PRMT3: variants seen among roughly 807,000 people sequenced by gnomAD.
The protein encoded by PRMT3 is protein arginine N-methyltransferase 3.
PRMT3 carries 62 observed loss-of-function variants against 71.9 expected under a neutral mutation model. The ratio of observed to expected loss-of-function variants is 0.86; its 90% CI spans 0.70 to 1.07. The LOEUF is 1.07. Among genes scored for constraint, PRMT3 ranks in the 50% least tolerant of loss-of-function variants. The pLI is 0.00. For synonymous variants in PRMT3, 213 were observed against 220.4 expected, an observed-to-expected ratio of 0.97 and a Z score of 0.30; for missense variants, 663 against 643.0, an observed-to-expected ratio of 1.03 and a Z score of -0.34.
intron 15 of PRMT3, among the ~76,000 whole-genome samples, chr11:20,506,347 G>C (rs973684100): frequency 6.6e-6 from 1 of 152,070 alleles, no homozygotes; most frequent in Admixed American, 6.6e-5. Context: ...TAGAGGAATA[G>C]GTCAGATATA....
In PRMT3 at chr11:20,393,002, A is replaced by G; in HGVS notation, c.400+3A>G. The G allele has an allele frequency of 2.6e-6, 4 of 1,547,274 alleles. No homozygotes were observed. The highest frequency in any genetic ancestry group is 3.6e-6 in the Non-Finnish European group (4 of 1,119,572). On this transcript the variant is annotated splice_donor_region_variant and intron_variant, in intron 5 of 15. Transcript: ENST00000331079. Reference sequence around the variant, plus strand: ...AGATGACCTTTTACTTCAATTTGGTAAGATGAACATAAGTGTATCTCCTTT... The same window carrying G: ...AGATGACCTTTTACTTCAATTTGGTGAGATGAACATAAGTGTATCTCCTTT...
intron 11 of PRMT3, among the ~76,000 whole-genome samples, chr11:20,457,356 A>C (rs1850289028): frequency 2.0e-5 from 3 of 152,214 alleles, no homozygotes; most frequent in Admixed American, 2.0e-4. Flanking sequence ...GGCATCATGC[A>C]TAATGGAAAG....
chr11:20,492,004 A>G (rs1437204172), intron 13 of PRMT3, among the ~76,000 whole-genome samples: 1 of 152,226 alleles, frequency 6.6e-6, no homozygotes, highest in Non-Finnish European at 1.5e-5. Flanking sequence ...ACTGAAGACT[A>G]AAAATTTTAA....
At chr11:20,407,642 T>G in intron 8 of PRMT3, 2 of 242,248 alleles carry the variant, frequency 8.3e-6, no homozygotes, top group Non-Finnish European at 8.1e-6. Context: ...GATATCAGGA[T>G]GGTTAGATTA....
At chr11:20,465,319 C>T (rs1207290987) in intron 13 of PRMT3, among the ~76,000 whole-genome samples, 1 of 151,856 alleles carries the variant, frequency 6.6e-6, no homozygotes, top group Non-Finnish European at 1.5e-5. Flanking sequence ...ATAAAATCTG[C>T]TCCTTATAGT....
At position 20,427,724 on chromosome 11, in the gene PRMT3, T is replaced by C. The variant is rs2133353795; in HGVS notation, c.993+859T>C. On this transcript the variant is annotated intron_variant, in intron 10 of 15. Transcript: ENST00000331079. ...CTGGGTGACAGAGCGAGACTCCACC[T>C]CGAAAAAAAAAATGTATTTGACAGC... Among the ~76,000 whole-genome samples the C allele has an allele frequency of 2.0e-5, 3 of 151,334 alleles. No homozygotes were observed. In the East Asian group the frequency reaches 5.8e-4, roughly 29 times the overall value.
At chr11:20,390,709 G>A (rs1848694029) in intron 3 of PRMT3, among the ~76,000 whole-genome samples, 1 of 152,268 alleles carries the variant, frequency 6.6e-6, no homozygotes, top group Non-Finnish European at 1.5e-5. Context: ...GCCAGGTGCT[G>A]TGGCTCACGC....
intron 10 of PRMT3, among the ~76,000 whole-genome samples, chr11:20,433,951 TACC>T (rs1849709700): frequency 1.3e-5 from 2 of 152,078 alleles, no homozygotes; most frequent in African/African-American, 4.8e-5. Context: ...TTTGAGGAAT[TACC>T]ATACTGCTTT....
intron 10 of PRMT3, among the ~76,000 whole-genome samples, chr11:20,437,135 A>G (rs1042744961): frequency 6.6e-6 from 1 of 151,450 alleles, no homozygotes; most frequent in African/African-American, 2.4e-5. Flanking sequence ...TTCTGATTTT[A>G]TTTATTTTGG....
chr11:20,496,006 T>TC (rs1326932035), intron 15 of PRMT3, among the ~76,000 whole-genome samples: 1 of 152,248 alleles, frequency 6.6e-6, no homozygotes, highest in Non-Finnish European at 1.5e-5. Context: ...AGTAAAACTT[T>TC]CGAGAACAGT....
intron 10 of PRMT3, among the ~76,000 whole-genome samples, chr11:20,446,419 G>A (rs1217415390): frequency 6.6e-6 from 1 of 151,182 alleles, no homozygotes; most frequent in Non-Finnish European, 1.5e-5. Flanking sequence ...GTGTATATGT[G>A]TGTGGCTGGC....
At chr11:20,408,664 C>G (rs1849125523) in intron 9 of PRMT3, among the ~76,000 whole-genome samples, 2 of 152,190 alleles carry the variant, frequency 1.3e-5, no homozygotes, top group South Asian at 4.1e-4. Flanking sequence ...AACTGAATTT[C>G]TTTCCCTACG....
intron 4 of PRMT3, among the ~76,000 whole-genome samples, chr11:20,392,484 G>A (rs985501449): frequency 1.3e-5 from 2 of 152,020 alleles, no homozygotes; most frequent in Non-Finnish European, 2.9e-5. Flanking sequence ...GAGATGAATC[G>A]GTGTATGTGA....
chr11:20,449,264 T>C (rs1161389699), intron 10 of PRMT3, among the ~76,000 whole-genome samples: 1 of 152,188 alleles, frequency 6.6e-6, no homozygotes, highest in African/African-American at 2.4e-5. Context: ...ATTTTCACAA[T>C]GAATAGTGGC....
intron 5 of PRMT3, chr11:20,393,792 A>G (rs1277286443): frequency 6.6e-6 from 1 of 152,242 alleles, no homozygotes; most frequent in East Asian, 1.9e-4. Flanking sequence ...TTATTGCAGC[A>G]GAAAGCAAAA....
chr11:20,424,094 G>A (rs1849487980), intron 9 of PRMT3, among the ~76,000 whole-genome samples: 3 of 150,198 alleles, frequency 2.0e-5, no homozygotes, highest in African/African-American at 7.4e-5. Context: ...TGAGGCAGGA[G>A]AATGGTGTAA....
intron 4 of PRMT3, 134 bp downstream of exon 4, chr11:20,392,394 G>A (rs555027851): frequency 1.6e-5 from 14 of 900,210 alleles, no homozygotes; most frequent in African/African-American, 8.6e-5. Flanking sequence ...GGGGAATCAC[G>A]GACATTAGGA....
At chr11:20,408,103 T>C (rs1311006410) in intron 9 of PRMT3, 71 bp downstream of exon 9, 1 of 1,158,490 alleles carries the variant, frequency 8.6e-7, no homozygotes, top group African/African-American at 1.6e-5. Flanking sequence ...TTTTCTTGTC[T>C]TTAGTAGCTA....
chr11:20,453,584 T>G (rs1197372248), intron 11 of PRMT3, among the ~76,000 whole-genome samples: 2 of 152,138 alleles, frequency 1.3e-5, no homozygotes, highest in Non-Finnish European at 2.9e-5. Flanking sequence ...TTGCCTTTCT[T>G]TTTCAAAATG....
Sources: allele counts gnomAD v4.1 joint callset (sites outside exome capture counted in the v4.1 genomes callset), GRCh38; gene constraint gnomAD v4.1.1; transcripts MANE v1.5; gene names NCBI Gene and HGNC (gene_info 2026-07-23, HGNC 2026-07-21).